CSMD1: variants seen among roughly 807,000 people sequenced by gnomAD.
CSMD1 encodes the protein CUB and Sushi multiple domains 1, also known as CUB and sushi domain-containing protein 1.
In CSMD1, 213 loss-of-function variants were observed where a neutral mutation model predicts 417.5. The observed-to-expected ratio is 0.51, with a 90% CI of 0.46 to 0.57. The LOEUF (loss-of-function observed/expected upper bound fraction) is 0.57, where lower values mean the gene tolerates loss of function less well. CSMD1 is among the 20% of genes least tolerant of loss of function. The probability of loss-of-function intolerance (pLI) is 0.00; values close to 1 mark genes in which losing one functional copy is unlikely to be tolerated. For missense variants in CSMD1, 6,923 were observed against 4,529.7 expected (o/e 1.53, Z -15.17); for synonymous variants, 2,862 against 1,736.8 (o/e 1.65, Z -16.11).
chr8:4,871,012 G>T (rs933176857), intron 1 of CSMD1, among the ~76,000 whole-genome samples: 4 of 152,118 alleles, frequency 2.6e-5, no homozygotes, highest in African/African-American at 9.7e-5. Flanking sequence ...CTGGGTGTCA[G>T]AGCTGTGCTC....
At chr8:4,213,582 C>A (rs13249547) in intron 3 of CSMD1, among the ~76,000 whole-genome samples, 3 of 152,098 alleles carry the variant, frequency 2.0e-5, no homozygotes, top group South Asian at 2.1e-4. Flanking sequence ...CCACTTGCAA[C>A]GTGAAAGAAA....
chr8:3,696,434 G>A (rs1373208733), intron 7 of CSMD1, among the ~76,000 whole-genome samples: 1 of 152,078 alleles, frequency 6.6e-6, no homozygotes, highest in Non-Finnish European at 1.5e-5. Flanking sequence ...AAGCTACCAT[G>A]GACTGCTTCT....
chr8:4,409,340 T>G (rs753643378), intron 3 of CSMD1, among the ~76,000 whole-genome samples: 3 of 152,296 alleles, frequency 2.0e-5, no homozygotes, highest in Admixed American at 6.5e-5. Flanking sequence ...TATGTCATTC[T>G]CTCACATCTT....
At chr8:3,262,219 ATATATATAT>A (rs1190643579) in intron 26 of CSMD1, among the ~76,000 whole-genome samples, 2 of 129,578 alleles carry the variant, frequency 1.5e-5, no homozygotes, top group African/African-American at 6.3e-5. Flanking sequence ...ATATATATAT[ATATATATAT>A]ATACACACAC....
intron 3 of CSMD1, among the ~76,000 whole-genome samples, chr8:4,408,323 C>T (rs1250271829): frequency 6.6e-6 from 1 of 152,148 alleles, no homozygotes; most frequent in Non-Finnish European, 1.5e-5. Flanking sequence ...AAGTAAGCTA[C>T]TTAAAACAAA....
intron 9 of CSMD1, among the ~76,000 whole-genome samples, chr8:3,583,622 A>G (rs1800474673): frequency 6.6e-6 from 1 of 152,022 alleles, no homozygotes; most frequent in Non-Finnish European, 1.5e-5. Flanking sequence ...TAGGAAAGAC[A>G]TAAACTGAGG....
At chr8:3,823,605 G>A (rs1233999231) in intron 5 of CSMD1, among the ~76,000 whole-genome samples, 1 of 151,972 alleles carries the variant, frequency 6.6e-6, no homozygotes, top group African/African-American at 2.4e-5. Context: ...TTCAACTTAT[G>A]CTTGAATCAA....
intron 1 of CSMD1, among the ~76,000 whole-genome samples, chr8:4,887,673 C>G (rs1803846490): frequency 6.6e-6 from 1 of 151,430 alleles, no homozygotes; most frequent in South Asian, 2.1e-4. Context: ...TTTATATTTG[C>G]TTTATTTATT....
rs1009640701 is a variant in CSMD1 at position 3,961,093 on chromosome 8, C to A, written c.818+36810G>T. Among the ~76,000 whole-genome samples the A allele has an allele frequency of 1.9e-4, 29 of 152,082 alleles. 1 individual carries two copies. On this transcript the variant is annotated intron_variant, in intron 5 of 69. Coordinates refer to ENST00000635120, the MANE Select transcript of CSMD1 (RefSeq NM_033225.6). ...TGAACATGAACAAACTCAAAGGCTACAAAGTCTCCAAGAAGCTAATAATTA... is the reference window on the plus strand; with the variant it reads ...TGAACATGAACAAACTCAAAGGCTAAAAAGTCTCCAAGAAGCTAATAATTA...
At chr8:4,282,099 C>A (rs987933978) in intron 3 of CSMD1, among the ~76,000 whole-genome samples, 1 of 152,110 alleles carries the variant, frequency 6.6e-6, no homozygotes, top group Non-Finnish European at 1.5e-5. Context: ...TTTTATTAAT[C>A]CAAGAGTATT....
At chr8:4,721,923 G>T (rs897278544) in intron 1 of CSMD1, among the ~76,000 whole-genome samples, 1 of 152,044 alleles carries the variant, frequency 6.6e-6, no homozygotes, top group African/African-American at 2.4e-5. Context: ...AACCAAACAC[G>T]AAAGAAAAAC....
At position 4,788,385 on chromosome 8, in the gene CSMD1, G is replaced by C. The variant is rs578032731; in HGVS notation, c.86-150827C>G. ...TCCTCCCCTCACACCAGACTGGGGAGCTCAGGATGTGTGGTCTTCTCTTTG... is the reference window on the plus strand; with the variant it reads ...TCCTCCCCTCACACCAGACTGGGGACCTCAGGATGTGTGGTCTTCTCTTTG... On this transcript the variant is annotated intron_variant, in intron 1 of 69. Transcript: ENST00000635120. 1.8e-4 allele frequency: 257 copies of C among 1,416,338 alleles called. 2 individuals carry two copies. In the South Asian group the frequency reaches 2.9e-3, roughly 16 times the overall value. The allele number at this position is 1,416,338 out of a possible 1,614,324, so 87.7% of individuals were successfully genotyped here. A position where few individuals can be genotyped will look rare whatever the true frequency, so the allele number is the denominator to read the frequency against.
intron 33 of CSMD1, among the ~76,000 whole-genome samples, chr8:3,198,310 G>A (rs1796808893): frequency 6.6e-6 from 1 of 152,154 alleles, no homozygotes. Context: ...AAAAAATGTT[G>A]AGGCAGCCCA....
intron 12 of CSMD1, among the ~76,000 whole-genome samples, chr8:3,465,859 C>G (rs530307076): frequency 1.3e-5 from 2 of 152,198 alleles, no homozygotes; most frequent in East Asian, 1.9e-4. Context: ...GACTGTGACT[C>G]CAGGTATGAG....
chr8:3,199,736 G>A lies in CSMD1; in HGVS notation c.5172C>T (p.Arg1724=), dbSNP rs34833863. 8.2e-6 allele frequency: 13 copies of A among 1,587,542 alleles called. No individual in the cohort carries two copies. The East Asian group carries it at 2.1e-4, about 25-fold the overall frequency. ...TACCTTGATACACGAAGTGGAAGCC[G>A]CGGGCAGAGGCACCGCTCTTTGCAC... The part of the protein sequence containing the change: ...RFSAKSGASA[R]GFHFVYQAVP... Residue 1724 remains arginine, a synonymous_variant, in exon 33 of 70, where the codon CGC becomes CGT. Transcript: ENST00000635120.
chr8:3,374,754 C>T (rs1417571177), intron 18 of CSMD1, among the ~76,000 whole-genome samples: 4 of 152,150 alleles, frequency 2.6e-5, no homozygotes, highest in African/African-American at 9.7e-5. Flanking sequence ...CAGGATCCTA[C>T]GGCTTCCTAC....
At chr8:4,541,413 T>C (rs1056009806) in intron 2 of CSMD1, among the ~76,000 whole-genome samples, 2 of 152,206 alleles carry the variant, frequency 1.3e-5, no homozygotes, top group Non-Finnish European at 1.5e-5. Context: ...CCTTCACCTT[T>C]GCACTTCTAA....
intron 3 of CSMD1, among the ~76,000 whole-genome samples, chr8:4,398,585 C>A (rs1319641346): frequency 6.6e-6 from 1 of 151,646 alleles, no homozygotes; most frequent in Admixed American, 6.6e-5. Flanking sequence ...TTAGTAGAGA[C>A]GGGGTTTCAC....
At chr8:3,212,368 T>C (rs1797661750) in intron 30 of CSMD1, among the ~76,000 whole-genome samples, 1 of 152,056 alleles carries the variant, frequency 6.6e-6, no homozygotes, top group African/African-American at 2.4e-5. Context: ...AAAATAACGT[T>C]CTTCCTCTGT....
Sources: allele counts gnomAD v4.1 joint callset (sites outside exome capture counted in the v4.1 genomes callset), GRCh38; gene constraint gnomAD v4.1.1; transcripts MANE v1.5; gene names NCBI Gene and HGNC (gene_info 2026-07-23, HGNC 2026-07-21).